Variants in NMNAT2 observed in about 807,000 individuals in gnomAD.
The protein encoded by NMNAT2 is nicotinamide nucleotide adenylyltransferase 2.
Under a neutral mutation model 41.6 loss-of-function variants are expected in NMNAT2, and 11 were observed. The ratio of observed to expected loss-of-function variants is 0.26; its 90% CI spans 0.17 to 0.44. The LOEUF is 0.44. Among genes scored for constraint, NMNAT2 ranks in the 20% least tolerant of loss-of-function variants. The pLI is 1.00. For missense variants in NMNAT2, 288 were observed against 407.7 expected, an observed-to-expected ratio of 0.71 and a Z score of 2.53; for synonymous variants, 148 against 151.2, an observed-to-expected ratio of 0.98 and a Z score of 0.16.
chr1:183,254,129 C>T (rs1296684325), intron 10 of NMNAT2, among the ~76,000 whole-genome samples: 1 of 152,102 alleles, frequency 6.6e-6, no homozygotes, highest in Non-Finnish European at 1.5e-5. Flanking sequence ...GGTCATATGA[C>T]AGTTCCGTTT....
intron 4 of NMNAT2, among the ~76,000 whole-genome samples, chr1:183,289,093 G>A (rs1317409180): frequency 6.6e-6 from 1 of 152,204 alleles, no homozygotes; most frequent in African/African-American, 2.4e-5. Flanking sequence ...TGCAGCTGGT[G>A]GAGTGTGGGG....
At chr1:183,321,601 GT>G (rs1662357161) in intron 1 of NMNAT2, among the ~76,000 whole-genome samples, 1 of 152,064 alleles carries the variant, frequency 6.6e-6, no homozygotes, top group Non-Finnish European at 1.5e-5. Context: ...AATTAGCTGG[GT>G]ATGGTGGCAT....
rs1353570672 is a variant in NMNAT2, at chr1:183,286,794, G to A, written c.322-6C>T. The A allele has an allele frequency of 7.5e-6, 12 of 1,605,956 alleles. No individual in the cohort carries two copies. The highest frequency in any genetic ancestry group is 2.2e-5 in the South Asian group (2 of 89,368). ...AGGATGCAGCCAGTCACCCTCTAGG[G>A]AGAGAGAGAAGAGTGTTATTAGTCA... On this transcript the variant is annotated splice_region_variant and splice_polypyrimidine_tract_variant and intron_variant, in intron 4 of 10. Coordinates refer to ENST00000287713, the MANE Select transcript of NMNAT2 (RefSeq NM_015039.4).
At chr1:183,368,257 C>T (rs566854118) in intron 1 of NMNAT2, among the ~76,000 whole-genome samples, 83 of 152,216 alleles carry the variant, frequency 5.5e-4, no homozygotes, top group Middle Eastern at 6.8e-3. Context: ...GCCATTAGCT[C>T]GGAGGGCTTT....
chr1:183,369,051 C>T (rs1205254686), intron 1 of NMNAT2, among the ~76,000 whole-genome samples: 1 of 152,170 alleles, frequency 6.6e-6, no homozygotes, highest in Non-Finnish European at 1.5e-5. Context: ...CTCACGGCAA[C>T]TCTGAGCCAG....
intron 8 of NMNAT2, chr1:183,266,962 T>C (rs1287458316): frequency 3.0e-5 from 5 of 164,680 alleles, no homozygotes; most frequent in Non-Finnish European, 6.6e-5. Context: ...GGAAGACCTC[T>C]TAGGCTCAGC....
At chr1:183,393,431 C>T (rs149962038) in intron 1 of NMNAT2, among the ~76,000 whole-genome samples, 1 of 152,010 alleles carries the variant, frequency 6.6e-6, no homozygotes, top group Non-Finnish European at 1.5e-5. Context: ...GGAGTAAATC[C>T]TAAGTCCCCT....
At chr1:183,333,590 C>T (rs1662627136) in intron 1 of NMNAT2, among the ~76,000 whole-genome samples, 1 of 152,216 alleles carries the variant, frequency 6.6e-6, no homozygotes, top group Non-Finnish European at 1.5e-5. Context: ...CAGATTCTCC[C>T]CTAGAGCCTC....
chr1:183,398,444 T>G (rs1021052264), intron 1 of NMNAT2, among the ~76,000 whole-genome samples: 1 of 152,080 alleles, frequency 6.6e-6, no homozygotes, highest in African/African-American at 2.4e-5. Context: ...AGACTTAGAC[T>G]CCCACACAAT....
intron 1 of NMNAT2, among the ~76,000 whole-genome samples, chr1:183,336,639 G>A (rs1662682742): frequency 6.6e-6 from 1 of 152,156 alleles, no homozygotes; most frequent in African/African-American, 2.4e-5. Context: ...AACCACTTTG[G>A]AAAACCATGC....
At position 183,418,169 on chromosome 1, in the gene NMNAT2, G is replaced by A; in HGVS notation, c.85+14C>T. ...GAGCGGAAGCGGCTTCCAGAGGTGGGCGGGAGGACTCACCAAACATCTGAA... is the reference window on the plus strand; with the variant it reads ...GAGCGGAAGCGGCTTCCAGAGGTGGACGGGAGGACTCACCAAACATCTGAA... On this transcript the variant is annotated intron_variant, in intron 1 of 10. Coordinates refer to ENST00000287713, the MANE Select transcript of NMNAT2 (RefSeq NM_015039.4). The A allele has an allele frequency of 6.2e-7, 1 of 1,612,336 alleles. No homozygotes were observed.
intron 1 of NMNAT2, among the ~76,000 whole-genome samples, chr1:183,362,590 G>C (rs538190178): frequency 1.3e-5 from 2 of 152,154 alleles, no homozygotes; most frequent in Non-Finnish European, 2.9e-5. Flanking sequence ...CCATGTTGTA[G>C]TATGTATCAA....
intron 1 of NMNAT2, among the ~76,000 whole-genome samples, chr1:183,392,056 G>A (rs1648498054): frequency 1.3e-5 from 2 of 152,126 alleles, no homozygotes; most frequent in Admixed American, 1.3e-4. Flanking sequence ...CTATGCTGAT[G>A]CCTCCTGACT....
intron 1 of NMNAT2, among the ~76,000 whole-genome samples, chr1:183,353,702 G>GTTGACTCAC (rs1663117152): frequency 6.6e-6 from 1 of 152,146 alleles, no homozygotes; most frequent in Non-Finnish European, 1.5e-5. Flanking sequence ...CAAAGTAGCA[G>GTTGACTCAC]TTGACTCACC....
rs1188711159 is a variant in NMNAT2 at position 183,302,165 on chromosome 1, AT to A, written c.86-8373del. Among the ~76,000 whole-genome samples the A allele has an allele frequency of 3.3e-5, 5 of 152,342 alleles. No homozygotes were observed. In the South Asian group the frequency reaches 1.0e-3, roughly 32 times the overall value. ...GAGCCTTGAGTGTTCCCTAACAAAC[AT>A]TTAATAAGTGCTTATTATGTTGAAG... is the stretch of plus-strand genomic sequence containing the variant. On this transcript the variant is annotated intron_variant, in intron 1 of 10. Transcript: ENST00000287713.
chr1:183,403,589 T>C (rs1648877736), intron 1 of NMNAT2, among the ~76,000 whole-genome samples: 1 of 152,044 alleles, frequency 6.6e-6, no homozygotes, highest in South Asian at 2.1e-4. Context: ...AAAGAACCAA[T>C]CTTAACAAAG....
rs922494886 is a variant in NMNAT2, at chr1:183,275,083, C to T, written c.651+3470G>A. 7.6e-4 allele frequency among the ~76,000 whole-genome samples: 115 copies of T among 152,218 alleles called. 1 individual carries two copies. Among genetic ancestry groups the T allele is most frequent in the Non-Finnish European group, 2.5e-4 (17 of 68,016 alleles). ...CAGGGCACCTTTGACTTCAAGGGAC[C>T]ACAAAGGCTTGGACAGGGAAGATGT... On this transcript the variant is annotated intron_variant, in intron 8 of 10. Transcript: ENST00000287713.
chr1:183,286,668 T>C lies in NMNAT2; in HGVS notation c.442A>G (p.Thr148Ala). 1.9e-6 allele frequency: 3 copies of C among 1,608,844 alleles called. No homozygotes were observed. The highest frequency in any genetic ancestry group is 2.5e-6 in the Non-Finnish European group (3 of 1,177,514). Residue 148 changes from threonine (T) to alanine (A), a missense_variant, in exon 5 of 11, where the codon ACT becomes GCT. Coordinates refer to ENST00000287713, the MANE Select transcript of NMNAT2 (RefSeq NM_015039.4). ...CACATCAGTGTTCCCCTACCTGCAGTGGGCTTGGTGGCCACGTTGCTGTTC... is the reference window on the plus strand; with the variant it reads ...CACATCAGTGTTCCCCTACCTGCAGCGGGCTTGGTGGCCACGTTGCTGTTC... ...YQNSNVATKP[T>A]AAKILGKVGE...
intron 1 of NMNAT2, among the ~76,000 whole-genome samples, chr1:183,388,682 C>T (rs1338376): frequency 0.25 from 37,977 of 152,070 alleles, 4,728 homozygotes; most frequent in South Asian, 0.29. Flanking sequence ...TACTCCAACA[C>T]TTTTAAAATA....
Sources: allele counts gnomAD v4.1 joint callset (sites outside exome capture counted in the v4.1 genomes callset), GRCh38; gene constraint gnomAD v4.1.1; transcripts MANE v1.5; gene names NCBI Gene and HGNC (gene_info 2026-07-23, HGNC 2026-07-21).